The following BSN variants were observed in gnomAD, a reference collection of about 807,000 sequenced individuals.
The protein encoded by BSN is protein bassoon.
BSN carries 57 observed loss-of-function variants against 264.8 expected under a neutral mutation model. That is an observed-to-expected ratio of 0.22 (90% CI 0.17 to 0.27). The LOEUF (loss-of-function observed/expected upper bound fraction) is 0.27. BSN is among the 10% of genes least tolerant of loss of function. The pLI is 1.00. For missense variants in BSN, 4,615 were observed against 5,232.5 expected (o/e 0.88, Z 3.64); for synonymous variants, 2,059 against 2,137.3 (o/e 0.96, Z 1.01).
At position 49,642,672 on chromosome 3, in the gene BSN, C is replaced by T; in HGVS notation, c.1038C>T (p.Leu346=). The T allele has an allele frequency of 2.5e-6, 4 of 1,610,194 alleles. No individual in the cohort carries two copies. Among genetic ancestry groups the T allele is most frequent in the Non-Finnish European group, 3.4e-6 (4 of 1,177,828 alleles). ...LGATEQTQEG[L]TGKLFGLGAS... Reference sequence around the variant, plus strand: ...CCACTGAGCAGACCCAGGAGGGCCTCACTGGTAAGCTCTTCGGCCTTGGCG... The same window carrying T: ...CCACTGAGCAGACCCAGGAGGGCCTTACTGGTAAGCTCTTCGGCCTTGGCG... Residue 346 remains leucine, a synonymous_variant, in exon 3 of 12, where the codon CTC becomes CTT. Coordinates refer to ENST00000296452, the MANE Select transcript of BSN (RefSeq NM_003458.4). This position sits in a 1 kb window ranked among gnomAD's most constrained non-coding sequence, Gnocchi z 7.0.
At position 49,650,895 on chromosome 3, in the gene BSN, C is replaced by T; in HGVS notation, c.1802C>T (p.Thr601Ile). The change falls in exon 4 of 12, where the codon ACC becomes ATC. Residue 601 changes from threonine (T) to isoleucine (I), a missense_variant. Thr to Ile is a moderately conservative substitution (Grantham distance 89, BLOSUM62 -1). This residue lies in a region of BSN where 1,197 missense variants were observed against 1,348.0 expected (regional missense o/e 0.89). Coordinates refer to ENST00000296452, the MANE Select transcript of BSN (RefSeq NM_003458.4). ...CTCAGGGCTTCTGAACCCAGCAAGA[C>T]CCCAAGCAGTGTCCAGGAAAAGAAG... ...KPLRASEPSKTPSSVQEKKTR... is the reference protein window; with the variant it reads ...KPLRASEPSKIPSSVQEKKTR... The T allele has an allele frequency of 6.2e-7, 1 of 1,614,206 alleles. No homozygotes were observed. The highest frequency in any genetic ancestry group is 8.5e-7 in the Non-Finnish European group (1 of 1,180,044).
chr3:49,651,686 T>C lies in BSN; in HGVS notation c.2130T>C (p.Ser710=). 1 of 1,613,944 alleles carries C rather than the reference T, an allele frequency of 6.2e-7. No individual in the cohort carries two copies. Among genetic ancestry groups the C allele is most frequent in the Non-Finnish European group, 8.5e-7 (1 of 1,179,986 alleles). ...AGCAGGAGGTGGAACAGCTGGACAG[T>C]GCAGGGGTGACAGGGCCACATCCAC... ...VVQQEVEQLD[S]AGVTGPHPPS... is the part of the protein sequence containing the mutation. The change falls in exon 5 of 12, where the codon AGT becomes AGC. Residue 710 remains serine, a synonymous_variant. Transcript: ENST00000296452. The surrounding 1 kb of genome is among the most constrained non-coding windows in gnomAD (Gnocchi z 5.4).
chr3:49,621,530 A>G (rs2052305449), intron 1 of BSN, among the ~76,000 whole-genome samples: 2 of 152,182 alleles, frequency 1.3e-5, no homozygotes, highest in Non-Finnish European at 2.9e-5. Flanking sequence ...GTGATCACCC[A>G]GGATCAAGTG....
chr3:49,651,082 C>T lies in BSN; in HGVS notation c.1986+3C>T, dbSNP rs1016054681. ...CCCCCAAGGGTGGGGAGGCGGAGGT[C>T]AGTCCCATTCACTTCCCAGAGACCC... On this transcript the variant is annotated splice_donor_region_variant and intron_variant, in intron 4 of 11. Transcript: ENST00000296452. The surrounding 1 kb of genome is among the most constrained non-coding windows in gnomAD (Gnocchi z 5.4). 3.8e-6 allele frequency: 6 copies of T among 1,597,758 alleles called. No individual in the cohort carries two copies. In the African/African-American group the frequency reaches 6.8e-5, roughly 18 times the overall value.
At chr3:49,640,995 G>C (rs1368712653) in intron 2 of BSN, among the ~76,000 whole-genome samples, 1 of 151,178 alleles carries the variant, frequency 6.6e-6, no homozygotes, top group African/African-American at 2.4e-5. Flanking sequence ...CAGCCAAGGG[G>C]AGATGGCAGG....
At chr3:49,575,660 A>G (rs28486672) in intron 1 of BSN, among the ~76,000 whole-genome samples, 808 of 9,796 alleles carry the variant, frequency 0.082, 3 homozygotes, top group African/African-American at 0.22. Flanking sequence ...GTGTGTGTGT[A>G]TATATATATA....
chr3:49,612,511 C>T (rs562029738), intron 1 of BSN, among the ~76,000 whole-genome samples: 1 of 152,120 alleles, frequency 6.6e-6, no homozygotes, highest in Non-Finnish European at 1.5e-5. Flanking sequence ...TGTCAGAGTC[C>T]AGAGGGCCAA....
chr3:49,662,679 G>T, intron 6 of BSN, 117 bp downstream of exon 6: 2 of 1,481,912 alleles, frequency 1.3e-6, no homozygotes, highest in Non-Finnish European at 1.8e-6. Context: ...CTCATCTGGT[G>T]GGCCCTGCTG....
chr3:49,663,173 G>C lies in BSN; in HGVS notation c.11015G>C (p.Arg3672Pro), dbSNP rs756708076. 6.2e-7 allele frequency: 1 copy of C among 1,613,448 alleles called. No individual in the cohort carries two copies. The highest frequency in any genetic ancestry group is 8.5e-7 in the Non-Finnish European group (1 of 1,179,916). ...PGRRAAKPHA[R>P]DLGRHEARPH... ...CGGCGTGCTGCCAAACCACACGCTCGGGACCTGGGTCGCCATGAGGCCCGG... is the reference window on the plus strand; with the variant it reads ...CGGCGTGCTGCCAAACCACACGCTCCGGACCTGGGTCGCCATGAGGCCCGG... The change falls in exon 7 of 12, where the codon CGG (arginine) becomes CCG (proline). Residue 3672 changes from arginine (R) to proline (P), a missense_variant. By Grantham distance (103) the Arg-to-Pro change is moderately radical. Around this residue, in one of 3 missense-constraint regions of BSN, gnomAD observed 3,415 missense variants for 3,866.4 expected, o/e 0.88. Transcript: ENST00000296452.
intron 1 of BSN, among the ~76,000 whole-genome samples, chr3:49,568,985 T>C (rs1484224515): frequency 6.6e-6 from 1 of 152,054 alleles, no homozygotes; most frequent in African/African-American, 2.4e-5. Context: ...GTAAGAGTGA[T>C]GAAAAGTGCT....
At chr3:49,617,283 TTATATATATATATATA>T (rs6147817) in intron 1 of BSN, among the ~76,000 whole-genome samples, 69,185 of 121,928 alleles carry the variant, frequency 0.57, 18,431 homozygotes, top group East Asian at 0.93. Context: ...ATAAAATACA[TTATATATATATATATA>T]TATATATATA....
intron 1 of BSN, among the ~76,000 whole-genome samples, chr3:49,594,706 G>T (rs2052007552): frequency 6.6e-6 from 1 of 151,974 alleles, no homozygotes; most frequent in South Asian, 2.1e-4. Context: ...TTCTATGTCT[G>T]TAAAAAAATT....
rs763027967 is a variant in BSN, at chr3:49,656,488, T to A, written c.6932T>A (p.Leu2311His). Reference sequence around the variant, plus strand: ...GTAGGGGCTGCACGGGAAGAGCCTCTTCCCACAACCACCCCTGCTGCCATC... The same window carrying A: ...GTAGGGGCTGCACGGGAAGAGCCTCATCCCACAACCACCCCTGCTGCCATC... ...MPVGAAREEP[L>H]PTTTPAAIKE... The change falls in exon 5 of 12, where the codon CTT becomes CAT. Residue 2311 changes from leucine (L) to histidine (H), a missense_variant. Around this residue, in one of 3 missense-constraint regions of BSN, gnomAD observed 3,415 missense variants for 3,866.4 expected, o/e 0.88. Coordinates refer to ENST00000296452, the MANE Select transcript of BSN (RefSeq NM_003458.4). 6.3e-7 allele frequency: 1 copy of A among 1,595,530 alleles called. No homozygotes were observed. Among genetic ancestry groups the A allele is most frequent in the Non-Finnish European group, 8.6e-7 (1 of 1,169,234 alleles).
At chr3:49,595,634 G>A (rs1390683086) in intron 1 of BSN, among the ~76,000 whole-genome samples, 1 of 152,150 alleles carries the variant, frequency 6.6e-6, no homozygotes, top group African/African-American at 2.4e-5. Flanking sequence ...TGAAATTACA[G>A]GCATGAGCCA....
chr3:49,610,195 T>C (rs1007365853), intron 1 of BSN, among the ~76,000 whole-genome samples: 1 of 152,214 alleles, frequency 6.6e-6, no homozygotes, highest in Non-Finnish European at 1.5e-5. Flanking sequence ...AACACACACA[T>C]GCACGTTCAA....
chr3:49,627,803 T>C (rs565469560), intron 2 of BSN, among the ~76,000 whole-genome samples: 25 of 152,308 alleles, frequency 1.6e-4, no homozygotes, highest in Middle Eastern at 3.4e-3. Context: ...ACTCACTTTC[T>C]TTTTCAGTTC....
chr3:49,578,068 G>A (rs2051860237), intron 1 of BSN, among the ~76,000 whole-genome samples: 1 of 152,154 alleles, frequency 6.6e-6, no homozygotes, highest in Non-Finnish European at 1.5e-5. Flanking sequence ...AACATCACTT[G>A]TTATTTTCTA....
At chr3:49,580,679 G>A (rs561736439) in intron 1 of BSN, among the ~76,000 whole-genome samples, 1 of 152,132 alleles carries the variant, frequency 6.6e-6, no homozygotes, top group East Asian at 1.9e-4. Context: ...GACTGGTCTC[G>A]AGCTACTGTA....
In BSN at chr3:49,653,279, T is replaced by G; in HGVS notation, c.3723T>G (p.Ala1241=). 1 of 1,611,904 alleles carries G rather than the reference T, an allele frequency of 6.2e-7. No homozygotes were observed. Among genetic ancestry groups the G allele is most frequent in the Non-Finnish European group, 8.5e-7 (1 of 1,179,784 alleles). The change falls in exon 5 of 12, where the codon GCT becomes GCG. Residue 1241 remains alanine (A), a synonymous_variant. Transcript: ENST00000296452. The surrounding 1 kb of genome is among the most constrained non-coding windows in gnomAD (Gnocchi z 6.3). ...CAGACCGTGAGTATGGCCAGGCTGC[T>G]CAGCCTGCCGCAGAGGGCACGCCAG... ...DTTDREYGQA[A]QPAAEGTPAS...
Sources: gnomAD v4.1 joint callset for allele counts (sites outside exome capture counted in the v4.1 genomes callset) on GRCh38, gnomAD v4.1.1 for gene constraint, gnomAD v4.1.1 regional missense constraint, Gnocchi (gnomAD v3.1) non-coding constraint, MANE v1.5 for transcripts, NCBI Gene and HGNC (gene_info 2026-07-23, HGNC 2026-07-21) for gene names.